SEZ6L: variants seen among roughly 807,000 people sequenced by gnomAD.
The protein encoded by SEZ6L is seizure related 6 homolog like.
SEZ6L carries 37 observed loss-of-function variants against 106.2 expected under a neutral mutation model. That is an observed-to-expected ratio of 0.35 (90% CI 0.27 to 0.46). SEZ6L has a LOEUF of 0.46. Ranked by LOEUF, SEZ6L falls within the 20% of genes least tolerant of loss-of-function variation. The pLI is 1.00. For missense variants in SEZ6L, 1,172 were observed against 1,332.8 expected, an observed-to-expected ratio of 0.88 and a Z score of 1.88; for synonymous variants, 541 against 570.4, an observed-to-expected ratio of 0.95 and a Z score of 0.73.
intron 9 of SEZ6L, among the ~76,000 whole-genome samples, chr22:26,322,572 C>A (rs1035139763): frequency 2.0e-5 from 3 of 152,188 alleles, no homozygotes; most frequent in Non-Finnish European, 4.4e-5. Flanking sequence ...CAGAAGGAAT[C>A]TTGAAGAGTG....
chr22:26,305,417 C>A (rs2145912020), intron 5 of SEZ6L, among the ~76,000 whole-genome samples: 1 of 152,318 alleles, frequency 6.6e-6, no homozygotes, highest in East Asian at 1.9e-4. Context: ...GCATTCTAAC[C>A]AGTCATGATG....
chr22:26,184,779 G>C (rs904175243), intron 1 of SEZ6L, among the ~76,000 whole-genome samples: 1 of 152,102 alleles, frequency 6.6e-6, no homozygotes, highest in East Asian at 1.9e-4. Flanking sequence ...AAAAGTTTAG[G>C]CTTATTAATC....
chr22:26,217,831 C>T (rs150638867), intron 1 of SEZ6L, among the ~76,000 whole-genome samples: 1 of 152,366 alleles, frequency 6.6e-6, no homozygotes, highest in East Asian at 1.9e-4. Context: ...AATTCCCTTG[C>T]CACCTGCTGC....
chr22:26,365,680 C>T lies in SEZ6L; in HGVS notation c.2794+114C>T, dbSNP rs540689501. 332 of 924,798 alleles carry T rather than the reference C, an allele frequency of 3.6e-4. No individual in the cohort carries two copies. In the African/African-American group the frequency reaches 4.4e-3, roughly 12 times the overall value. The allele number at this position is 924,798 out of a possible 1,614,324, so 57.3% of individuals were successfully genotyped here. On this transcript the variant is annotated intron_variant, in intron 13 of 16. Transcript: ENST00000248933. ...ATTGGACTAGGAGTTCGAGACCAGC[C>T]GAGGCAACATAGTGAGACCCCCATC...
In SEZ6L at chr22:26,206,660, C is replaced by A. The variant is rs531331209; in HGVS notation, c.94+36897C>A. ...AGCACAGAATGGCCCTTGTCTGTGA[C>A]GAAACAGTGAGATGGTCTAGACATC... On this transcript the variant is annotated intron_variant, in intron 1 of 16. Transcript: ENST00000248933. 3.3e-5 allele frequency among the ~76,000 whole-genome samples: 5 copies of A among 152,174 alleles called. No individual in the cohort carries two copies. The South Asian group carries it at 1.0e-3, about 32-fold the overall frequency.
intron 1 of SEZ6L, among the ~76,000 whole-genome samples, chr22:26,265,375 A>G (rs999246083): frequency 6.6e-6 from 1 of 152,196 alleles, no homozygotes; most frequent in Non-Finnish European, 1.5e-5. Context: ...AAAAAAATGA[A>G]TGCTTCCATC....
chr22:26,376,980 T>C lies in SEZ6L; in HGVS notation c.2943-693T>C, dbSNP rs78481125. 9.2e-3 allele frequency among the ~76,000 whole-genome samples: 1,404 copies of C among 151,988 alleles called. 19 individuals are homozygous for C. Among genetic ancestry groups the C allele is most frequent in the African/African-American group, 0.032 (1,332 of 41,468 alleles). ...TGTGGTGAGTAACAGAGAAATCACC[T>C]TTAAATAGATGGTCAGGGGCCAGGC... is the stretch of plus-strand genomic sequence containing the variant. On this transcript the variant is annotated intron_variant, in intron 15 of 16. Transcript: ENST00000248933.
At chr22:26,251,207 C>G (rs2079566749) in intron 1 of SEZ6L, among the ~76,000 whole-genome samples, 1 of 152,262 alleles carries the variant, frequency 6.6e-6, no homozygotes, top group South Asian at 2.1e-4. Context: ...AGTAGGCAGC[C>G]TTGTCTTGTT....
chr22:26,184,345 T>C (rs911929027), intron 1 of SEZ6L, among the ~76,000 whole-genome samples: 2 of 152,146 alleles, frequency 1.3e-5, no homozygotes, highest in South Asian at 2.1e-4. Context: ...CCTAACCAGA[T>C]GCCTGCCTCC....
chr22:26,212,532 C>T (rs2078190241), intron 1 of SEZ6L, among the ~76,000 whole-genome samples: 1 of 152,178 alleles, frequency 6.6e-6, no homozygotes, highest in African/African-American at 2.4e-5. Flanking sequence ...AGGTGATTCT[C>T]CCACCTCAGC....
chr22:26,176,529 G>A (rs144754610), intron 1 of SEZ6L, among the ~76,000 whole-genome samples: 1 of 152,218 alleles, frequency 6.6e-6, no homozygotes, highest in Admixed American at 6.5e-5. Context: ...TATTCCTGCA[G>A]CCTGGACTGT....
chr22:26,177,814 TA>T (rs969929490), intron 1 of SEZ6L, among the ~76,000 whole-genome samples: 9 of 152,164 alleles, frequency 5.9e-5, no homozygotes, highest in Non-Finnish European at 1.2e-4. Flanking sequence ...GTGTCTGTAA[TA>T]TTAATCAGAT....
chr22:26,264,083 G>A (rs760824561), intron 1 of SEZ6L, among the ~76,000 whole-genome samples: 3 of 152,176 alleles, frequency 2.0e-5, no homozygotes, highest in Admixed American at 6.5e-5. Context: ...TAAGATTATC[G>A]TTGGCCATCT....
At chr22:26,297,766 CTTGTT>C (rs2081342706) in intron 4 of SEZ6L, among the ~76,000 whole-genome samples, 1 of 151,400 alleles carries the variant, frequency 6.6e-6, no homozygotes, top group South Asian at 2.1e-4. Context: ...TCTTTGCTTG[CTTGTT>C]TTATTTCTTC....
At chr22:26,317,008 T>C (rs2082024281) in intron 9 of SEZ6L, among the ~76,000 whole-genome samples, 1 of 152,064 alleles carries the variant, frequency 6.6e-6, no homozygotes. Context: ...ATGTCCTACC[T>C]ACATGATGAG....
intron 1 of SEZ6L, among the ~76,000 whole-genome samples, chr22:26,254,939 A>G (rs1461451071): frequency 6.6e-6 from 1 of 152,176 alleles, no homozygotes; most frequent in African/African-American, 2.4e-5. Context: ...TCCTGTCCTC[A>G]GAATTCTATC....
chr22:26,344,689 G>A (rs2082951936), intron 10 of SEZ6L, among the ~76,000 whole-genome samples: 1 of 152,186 alleles, frequency 6.6e-6, no homozygotes, highest in African/African-American at 2.4e-5. Flanking sequence ...CATTTCTAGA[G>A]TCTAATAAGA....
intron 1 of SEZ6L, among the ~76,000 whole-genome samples, chr22:26,188,284 A>G (rs1358036955): frequency 6.6e-6 from 1 of 152,198 alleles, no homozygotes; most frequent in Non-Finnish European, 1.5e-5. Flanking sequence ...TTAAAATAAC[A>G]AATATTTACT....
chr22:26,238,181 A>G (rs2079007779), intron 1 of SEZ6L, among the ~76,000 whole-genome samples: 1 of 152,188 alleles, frequency 6.6e-6, no homozygotes, highest in Non-Finnish European at 1.5e-5. Flanking sequence ...CAAAGGGGCT[A>G]AGGAATAGCT....
Sources: allele counts gnomAD v4.1 joint callset (sites outside exome capture counted in the v4.1 genomes callset), GRCh38; gene constraint gnomAD v4.1.1; transcripts MANE v1.5; gene names NCBI Gene and HGNC (gene_info 2026-07-23, HGNC 2026-07-21).